ADCY8: variants seen among roughly 807,000 people sequenced by gnomAD.
ADCY8 encodes the protein adenylate cyclase 8, also known as adenylate cyclase type 8.
A neutral mutation model predicts 119.7 loss-of-function variants in ADCY8; 51 were observed. That is an observed-to-expected ratio of 0.43 (90% CI 0.34 to 0.54). ADCY8 has a LOEUF of 0.54. Ranked by LOEUF, ADCY8 falls within the 20% of genes least tolerant of loss-of-function variation. The probability of loss-of-function intolerance (pLI) is 0.03; values close to 1 mark genes in which losing one functional copy is unlikely to be tolerated. For missense variants in ADCY8, 1,383 were observed against 1,598.8 expected, an observed-to-expected ratio of 0.87 and a Z score of 2.30; for synonymous variants, 665 against 651.0, an observed-to-expected ratio of 1.02 and a Z score of -0.33.
chr8:130,930,015 T>C (rs567323618), intron 5 of ADCY8, among the ~76,000 whole-genome samples: 4 of 152,352 alleles, frequency 2.6e-5, no homozygotes, highest in African/African-American at 9.6e-5. Context: ...TTTCAATCTA[T>C]GTGTGTCCTA....
chr8:130,965,756 A>G (rs1821743808), intron 2 of ADCY8, among the ~76,000 whole-genome samples: 1 of 152,214 alleles, frequency 6.6e-6, no homozygotes, highest in Non-Finnish European at 1.5e-5. Context: ...AAAAGAATAG[A>G]TAATAAATTT....
chr8:131,011,958 G>C (rs1169662474), intron 1 of ADCY8, among the ~76,000 whole-genome samples: 1 of 152,180 alleles, frequency 6.6e-6, no homozygotes, highest in Non-Finnish European at 1.5e-5. Context: ...CTGTGTCCCT[G>C]ATAGGTAGAA....
rs1032575185 is a variant in ADCY8 at position 130,892,972 on chromosome 8, C to G, written c.1912-8211G>C. 6.0e-4 allele frequency among the ~76,000 whole-genome samples: 91 copies of G among 152,252 alleles called. 1 individual carries two copies. Among genetic ancestry groups the G allele is most frequent in the Admixed American group, 9.2e-4 (14 of 15,280 alleles). ...TGACTCTATTCCACCAATCTATTAG[C>G]TAATCCTAGATGCTTGCCTCTGATA... On this transcript the variant is annotated intron_variant, in intron 7 of 17. Coordinates refer to ENST00000286355, the MANE Select transcript of ADCY8 (RefSeq NM_001115.3).
chr8:130,850,616 C>A (rs1382815827), intron 9 of ADCY8, among the ~76,000 whole-genome samples: 2 of 152,132 alleles, frequency 1.3e-5, no homozygotes, highest in Non-Finnish European at 2.9e-5. Flanking sequence ...TTTCAGGCAG[C>A]AAACTGATGC....
intron 1 of ADCY8, among the ~76,000 whole-genome samples, chr8:131,018,956 A>C (rs185413470): frequency 1.3e-5 from 2 of 152,214 alleles, no homozygotes; most frequent in East Asian, 3.9e-4. Flanking sequence ...TCTAAATCTT[A>C]CCCAGTTCAC....
intron 8 of ADCY8, among the ~76,000 whole-genome samples, chr8:130,878,826 G>A (rs758393985): frequency 2.0e-5 from 3 of 152,134 alleles, no homozygotes; most frequent in Non-Finnish European, 4.4e-5. Context: ...ATTAAAAGAA[G>A]GAAGGAACTT....
At chr8:130,904,778 CAT>C (rs1819727058) in intron 6 of ADCY8, among the ~76,000 whole-genome samples, 1 of 152,194 alleles carries the variant, frequency 6.6e-6, no homozygotes, top group Non-Finnish European at 1.5e-5. Context: ...AGCAAAATAA[CAT>C]ATGACATCAG....
intron 5 of ADCY8, among the ~76,000 whole-genome samples, chr8:130,916,200 T>C (rs1256299289): frequency 6.6e-6 from 1 of 152,194 alleles, no homozygotes; most frequent in East Asian, 1.9e-4. Flanking sequence ...CCTGCATGGC[T>C]TCTTTAAAGG....
At chr8:130,803,000 G>T (rs1374678533) in intron 14 of ADCY8, among the ~76,000 whole-genome samples, 1 of 152,272 alleles carries the variant, frequency 6.6e-6, no homozygotes, top group East Asian at 1.9e-4. Flanking sequence ...CTAATCGGAT[G>T]ATGCATCATT....
At chr8:130,841,860 C>G (rs1462482784) in intron 11 of ADCY8, among the ~76,000 whole-genome samples, 1 of 152,188 alleles carries the variant, frequency 6.6e-6, no homozygotes, top group Non-Finnish European at 1.5e-5. Context: ...AACTGTAGCT[C>G]TTGGCATAAG....
intron 14 of ADCY8, 140 bp from the exon 15 acceptor site, chr8:130,800,712 G>T: frequency 1.1e-6 from 1 of 912,530 alleles, no homozygotes; most frequent in Non-Finnish European, 1.7e-6. Context: ...ATATCGTTAT[G>T]TCAACAGTGT....
chr8:130,880,509 T>C (rs1260820068), intron 8 of ADCY8, among the ~76,000 whole-genome samples: 1 of 152,202 alleles, frequency 6.6e-6, no homozygotes, highest in South Asian at 2.1e-4. Context: ...TGCTTGCCCA[T>C]GAGATCTGTA....
intron 7 of ADCY8, among the ~76,000 whole-genome samples, chr8:130,899,404 G>A (rs1201561600): frequency 6.6e-6 from 1 of 152,090 alleles, no homozygotes; most frequent in Admixed American, 6.6e-5. Flanking sequence ...TCAGGAGTTC[G>A]TGACCAGCCT....
At chr8:130,960,075 C>G (rs1821552314) in intron 2 of ADCY8, among the ~76,000 whole-genome samples, 1 of 152,020 alleles carries the variant, frequency 6.6e-6, no homozygotes, top group Non-Finnish European at 1.5e-5. Context: ...ATGTAATCAT[C>G]CAGGCAGGAG....
At chr8:131,000,948 A>C (rs910551244) in intron 1 of ADCY8, among the ~76,000 whole-genome samples, 4 of 152,108 alleles carry the variant, frequency 2.6e-5, no homozygotes, top group Non-Finnish European at 5.9e-5. Context: ...TAAGGCAGGG[A>C]AAGGGTCTTC....
At chr8:131,026,017 A>G (rs1823811812) in intron 1 of ADCY8, among the ~76,000 whole-genome samples, 1 of 152,228 alleles carries the variant, frequency 6.6e-6, no homozygotes, top group Admixed American at 6.5e-5. Context: ...TGCATGCAGC[A>G]CACTGTGGTA....
chr8:130,815,911 C>A (rs1044347874), intron 13 of ADCY8, among the ~76,000 whole-genome samples: 1 of 152,184 alleles, frequency 6.6e-6, no homozygotes, highest in African/African-American at 2.4e-5. Context: ...CCCTCTTGTC[C>A]TAGCCTCCCC....
intron 4 of ADCY8, among the ~76,000 whole-genome samples, chr8:130,941,832 T>A (rs1820965546): frequency 6.6e-6 from 1 of 152,246 alleles, no homozygotes; most frequent in Non-Finnish European, 1.5e-5. Flanking sequence ...TCTTTATGCT[T>A]GTTTTCTCCT....
chr8:130,794,285 C>G (rs1027049761), intron 15 of ADCY8, among the ~76,000 whole-genome samples: 2 of 152,174 alleles, frequency 1.3e-5, no homozygotes, highest in Non-Finnish European at 1.5e-5. Context: ...TGCACTGTTG[C>G]CTGGGCTGGA....
Sources: allele counts gnomAD v4.1 joint callset (sites outside exome capture counted in the v4.1 genomes callset), GRCh38; gene constraint gnomAD v4.1.1; transcripts MANE v1.5; gene names NCBI Gene and HGNC (gene_info 2026-07-23, HGNC 2026-07-21).